The following MUCL1 variants were observed in gnomAD, a reference collection of about 807,000 sequenced individuals.
The protein encoded by MUCL1 is mucin like 1, also known as mucin-like protein 1.
MUCL1 carries 11 observed loss-of-function variants against 9.2 expected under a neutral mutation model. The observed-to-expected ratio is 1.19, with a 90% CI of 0.75 to 1.97. The LOEUF (loss-of-function observed/expected upper bound fraction) is 1.97. Ranked by LOEUF, MUCL1 falls within the 30% of genes most tolerant of loss-of-function variation. The probability of loss-of-function intolerance (pLI) is 0.00; values close to 1 mark genes in which losing one functional copy is unlikely to be tolerated. For synonymous variants in MUCL1, 48 were observed against 40.5 expected, an observed-to-expected ratio of 1.19 and a Z score of -0.71; for missense variants, 144 against 110.9, an observed-to-expected ratio of 1.30 and a Z score of -1.34.
intron 1 of MUCL1, among the ~76,000 whole-genome samples, chr12:54,831,312 C>T (rs1361108472): frequency 6.6e-6 from 1 of 152,086 alleles, no homozygotes; most frequent in Admixed American, 6.5e-5. Context: ...ATTCCTAAAA[C>T]TCACAGAAAT....
upstream of MUCL1, among the ~76,000 whole-genome samples, chr12:54,836,479 T>C (rs1407103649): frequency 3.3e-5 from 5 of 152,062 alleles, no homozygotes; most frequent in African/African-American, 1.2e-4. Context: ...TCTTCTCTCT[T>C]TTCTTGGTTA....
At chr12:54,857,169 C>G (rs1232981639) in intron 3 of MUCL1, among the ~76,000 whole-genome samples, 1 of 150,172 alleles carries the variant, frequency 6.7e-6, no homozygotes, top group Non-Finnish European at 1.5e-5. Flanking sequence ...TTGGAAAGAC[C>G]AAAATAAGTG....
chr12:54,850,612 A>G (rs1592248649), upstream of MUCL1, among the ~76,000 whole-genome samples: 1 of 152,120 alleles, frequency 6.6e-6, no homozygotes, highest in South Asian at 2.1e-4. Flanking sequence ...TAGTGCTGCA[A>G]TAAACATACG....
upstream of MUCL1, among the ~76,000 whole-genome samples, chr12:54,836,964 T>A (rs1959193809): frequency 6.6e-6 from 1 of 152,218 alleles, no homozygotes; most frequent in South Asian, 2.1e-4. Flanking sequence ...ATAATTTCAA[T>A]TTTTTAAAAT....
At chr12:54,838,352 C>G (rs1015948663), upstream of MUCL1, among the ~76,000 whole-genome samples, 1 of 152,168 alleles carries the variant, frequency 6.6e-6, no homozygotes, top group African/African-American at 2.4e-5. Flanking sequence ...TGTCTCACTG[C>G]TCTTAGAATA....
intron 1 of MUCL1, among the ~76,000 whole-genome samples, chr12:54,847,341 C>A (rs999036198): frequency 6.6e-6 from 1 of 152,188 alleles, no homozygotes; most frequent in African/African-American, 2.4e-5. Flanking sequence ...AAAGGCCGGG[C>A]ACAGTGGCTC....
intron 1 of MUCL1, among the ~76,000 whole-genome samples, chr12:54,845,110 C>T (rs1345348866): frequency 2.6e-5 from 4 of 152,180 alleles, no homozygotes; most frequent in Admixed American, 6.5e-5. Flanking sequence ...CTGGGACTGT[C>T]GGCCAGAATG....
At chr12:54,840,188 G>A (rs1959202761) in intron 1 of MUCL1, among the ~76,000 whole-genome samples, 1 of 152,184 alleles carries the variant, frequency 6.6e-6, no homozygotes. Flanking sequence ...TCTCCCAGAA[G>A]CAGGTACCAG....
At chr12:54,857,482 A>T (rs552119853) in intron 3 of MUCL1, among the ~76,000 whole-genome samples, 9 of 151,996 alleles carry the variant, frequency 5.9e-5, no homozygotes, top group Non-Finnish European at 1.2e-4. Context: ...CTTTTTCTTG[A>T]CCTTTAACTT....
chr12:54,856,949 T>C (rs1237708445), intron 3 of MUCL1, 57 bp downstream of exon 3: 14 of 1,609,560 alleles, frequency 8.7e-6, no homozygotes, highest in Middle Eastern at 1.7e-4. Context: ...ATTCCTTGGG[T>C]TCTCTATTCT....
At chr12:54,843,111 G>A (rs1959220413) in intron 1 of MUCL1, among the ~76,000 whole-genome samples, 1 of 152,104 alleles carries the variant, frequency 6.6e-6, no homozygotes, top group African/African-American at 2.4e-5. Context: ...AGTACACCCT[G>A]GGATGTTTGT....
At chr12:54,856,265 C>G (rs765811325) in intron 2 of MUCL1, among the ~76,000 whole-genome samples, 6 of 128,984 alleles carry the variant, frequency 4.7e-5, no homozygotes, top group Non-Finnish European at 8.7e-5. Flanking sequence ...AGATATCTTA[C>G]TGCACTCTAA....
intron 1 of MUCL1, among the ~76,000 whole-genome samples, chr12:54,832,305 G>A (rs1173580031): frequency 6.6e-6 from 1 of 152,030 alleles, no homozygotes; most frequent in African/African-American, 2.4e-5. Flanking sequence ...ACAAATTTTG[G>A]GTGGGGGGAT....
At chr12:54,833,979 A>C (rs1959188988) in intron 1 of MUCL1, among the ~76,000 whole-genome samples, 1 of 151,056 alleles carries the variant, frequency 6.6e-6, no homozygotes, top group African/African-American at 2.4e-5. Context: ...AATAAAAAAA[A>C]GTCTACTTAA....
At chr12:54,853,611 A>G (rs1318070631), upstream of MUCL1, among the ~76,000 whole-genome samples, 1 of 152,158 alleles carries the variant, frequency 6.6e-6, no homozygotes, top group Non-Finnish European at 1.5e-5. Flanking sequence ...GTCACCTTAT[A>G]TAAAATTGCT....
At chr12:54,839,891 G>T (rs75262846) in intron 1 of MUCL1, among the ~76,000 whole-genome samples, 9,638 of 152,214 alleles carry the variant, frequency 0.063, 383 homozygotes, top group South Asian at 0.12. Flanking sequence ...TGGCGGAGCT[G>T]CAGACTTTCT....
intron 1 of MUCL1, among the ~76,000 whole-genome samples, chr12:54,839,672 C>T (rs1483752573): frequency 6.6e-6 from 1 of 152,192 alleles, no homozygotes; most frequent in Non-Finnish European, 1.5e-5. Flanking sequence ...TTCAGGAATG[C>T]TGATGTTCCA....
chr12:54,850,047 C>T (rs1959313983), upstream of MUCL1, among the ~76,000 whole-genome samples: 1 of 152,186 alleles, frequency 6.6e-6, no homozygotes, highest in Non-Finnish European at 1.5e-5. Context: ...CAGAGGGCTG[C>T]TTCTCCAATG....
upstream of MUCL1, among the ~76,000 whole-genome samples, chr12:54,853,054 G>A (rs1868267157): frequency 6.6e-6 from 1 of 151,966 alleles, no homozygotes; most frequent in Admixed American, 6.6e-5. Flanking sequence ...CACCTGATGG[G>A]GACCTCTTAG....
Sources: gnomAD v4.1 joint callset for allele counts (sites outside exome capture counted in the v4.1 genomes callset) on GRCh38, gnomAD v4.1.1 for gene constraint, MANE v1.5 for transcripts, NCBI Gene and HGNC (gene_info 2026-07-23, HGNC 2026-07-21) for gene names.